Variants in CYP27A1 observed in about 807,000 individuals in gnomAD.
CYP27A1 encodes the protein sterol 26-hydroxylase, mitochondrial.
A neutral mutation model predicts 58.2 loss-of-function variants in CYP27A1; 46 were observed. The observed-to-expected ratio is 0.79, with a 90% confidence interval of 0.62 to 1.01. The LOEUF is 1.01. Among genes scored for constraint, CYP27A1 ranks in the 50% least tolerant of loss-of-function variants. CYP27A1 has a pLI of 0.00. For synonymous variants in CYP27A1, 274 were observed against 285.1 expected (o/e 0.96, Z 0.39); for missense variants, 704 against 687.0 (o/e 1.02, Z -0.28).
intron 1 of CYP27A1, among the ~76,000 whole-genome samples, chr2:218,805,542 C>G (rs1201170714): frequency 6.6e-6 from 1 of 152,114 alleles, no homozygotes; most frequent in African/African-American, 2.4e-5. Context: ...ACTGTCTGGC[C>G]CATGCACTAG....
intron 1 of CYP27A1, 135 bp from the exon 2 acceptor site, chr2:218,809,442 C>CG (rs1943686675): frequency 1.6e-5 from 6 of 370,592 alleles, no homozygotes; most frequent in South Asian, 1.2e-4. Flanking sequence ...ACACAATGCC[C>CG]TTTTTTTTTT....
chr2:218,801,389 C>T (rs1242509803), intron 1 of CYP27A1, among the ~76,000 whole-genome samples: 1 of 151,944 alleles, frequency 6.6e-6, no homozygotes, highest in African/African-American at 2.4e-5. Flanking sequence ...ACCTGTAATC[C>T]CAGCTACTCA....
At position 218,812,970 on chromosome 2, in the gene CYP27A1, G is replaced by T. The variant is rs144455258; in HGVS notation, c.891G>T (p.Leu297=). ...DEKLEDMEAQ[L]QAAGPDGIQV... ...AGCTCGAAGATATGGAGGCCCAACT[G>T]CAGGCAGCAGGGCCAGATGGCATCC... The change falls in exon 5 of 9, where the codon CTG becomes CTT. Residue 297 remains leucine (L), a synonymous_variant. Coordinates refer to ENST00000258415, the MANE Select transcript of CYP27A1 (RefSeq NM_000784.4). 87 of 1,614,212 alleles carry T rather than the reference G, an allele frequency of 5.4e-5. No homozygotes were observed. The African/African-American group carries it at 1.1e-3, about 21-fold the overall frequency.
At position 218,812,789 on chromosome 2, in the gene CYP27A1, G is replaced by A. The variant is rs377638225; in HGVS notation, c.844+40G>A. On this transcript the variant is annotated intron_variant, in intron 4 of 8. Transcript: ENST00000258415. ...ATGGGGCCCAGGGAAGAGAGATGGG[G>A]GTGACTCCAGGTCTGTGCATCAGCG... The A allele has an allele frequency of 5.0e-6, 8 of 1,609,672 alleles. No homozygotes were observed. In the African/African-American group the frequency reaches 1.1e-4, roughly 22 times the overall value.
At position 218,799,309 on chromosome 2, in the gene CYP27A1, A is replaced by G. The variant is rs564594232; in HGVS notation, c.256-10268A>G. Among the ~76,000 whole-genome samples, 4 of 152,214 alleles carry G rather than the reference A, an allele frequency of 2.6e-5. No homozygotes were observed. In the South Asian group the frequency reaches 6.2e-4, roughly 24 times the overall value. ...TATCAGACCTTGCTGTGATAAGGAA[A>G]CCCCAATTACAAACCATCCAGACGG... is the stretch of plus-strand genomic sequence containing the variant. On this transcript the variant is annotated intron_variant, in intron 1 of 8. Coordinates refer to ENST00000258415, the MANE Select transcript of CYP27A1 (RefSeq NM_000784.4).
intron 1 of CYP27A1, among the ~76,000 whole-genome samples, chr2:218,794,619 C>T (rs1034248445): frequency 2.6e-5 from 4 of 152,132 alleles, no homozygotes; most frequent in Non-Finnish European, 5.9e-5. Flanking sequence ...TGTTGGGCTT[C>T]TGGGTTCCCT....
intron 1 of CYP27A1, among the ~76,000 whole-genome samples, chr2:218,790,911 C>T (rs886112754): frequency 6.6e-6 from 1 of 152,014 alleles, no homozygotes; most frequent in African/African-American, 2.4e-5. Flanking sequence ...CTGTGTTAGC[C>T]AGGATGGTCT....
At position 218,782,497 on chromosome 2, in the gene CYP27A1, G is replaced by A. The variant is rs1019942078; in HGVS notation, c.255+60G>A. The A allele has an allele frequency of 6.2e-7, 1 of 1,606,120 alleles. No homozygotes were observed. On this transcript the variant is annotated intron_variant, in intron 1 of 8. Coordinates refer to ENST00000258415, the MANE Select transcript of CYP27A1 (RefSeq NM_000784.4). The surrounding 1 kb of genome is among the most constrained non-coding windows in gnomAD (Gnocchi z 4.1). Reference sequence around the variant, plus strand: ...AGTGGGCACCGGAACAGAGAGGCTAGAGGTGAGAAGACGTTGGACAGAAAG... The same window carrying A: ...AGTGGGCACCGGAACAGAGAGGCTAAAGGTGAGAAGACGTTGGACAGAAAG...
At position 218,814,165 on chromosome 2, in the gene CYP27A1, G is replaced by A. The variant is rs1201958431; in HGVS notation, c.1162G>A (p.Ala388Thr). The A allele has an allele frequency of 1.9e-6, 3 of 1,614,268 alleles. No homozygotes were observed. The Admixed American group carries it at 5.0e-5, about 27-fold the overall frequency. ...KDFAHMPLLK[A>T]VLKETLRLYP... ...CTTTGCCCACATGCCGTTGCTCAAA[G>A]CTGTGCTTAAGGAGACTCTGCGGTA... The change falls in exon 6 of 9, where the codon GCT becomes ACT. Residue 388 changes from alanine to threonine, a missense_variant. Coordinates refer to ENST00000258415, the MANE Select transcript of CYP27A1 (RefSeq NM_000784.4).
chr2:218,811,943 C>T (rs1943720273), intron 2 of CYP27A1, among the ~76,000 whole-genome samples: 1 of 152,170 alleles, frequency 6.6e-6, no homozygotes, highest in African/African-American at 2.4e-5. Flanking sequence ...ACCTAGGGTC[C>T]CTCTGCCAGG....
At chr2:218,804,896 A>G (rs1449033911) in intron 1 of CYP27A1, among the ~76,000 whole-genome samples, 2 of 152,234 alleles carry the variant, frequency 1.3e-5, no homozygotes, top group Non-Finnish European at 2.9e-5. Flanking sequence ...GAAGTGAGAG[A>G]TCAGGGTGCC....
intron 1 of CYP27A1, among the ~76,000 whole-genome samples, chr2:218,787,587 T>G (rs989624014): frequency 6.6e-6 from 1 of 152,194 alleles, no homozygotes; most frequent in Admixed American, 6.5e-5. Context: ...GCAACAGTGT[T>G]GACAGGTGGG....
intron 1 of CYP27A1, among the ~76,000 whole-genome samples, chr2:218,795,676 G>A (rs749529873): frequency 2.0e-5 from 3 of 152,166 alleles, no homozygotes; most frequent in African/African-American, 7.2e-5. Context: ...GGCAGGGTTA[G>A]TCTAAAATGT....
rs757653354 is a variant in CYP27A1, at chr2:218,782,244, G to A, written c.62G>A (p.Cys21Tyr). ...CTGCGAGGGGCCGGCCGTGGCCTCT[G>A]CCCCCACGGGGCCAGAGCCAAGGCC... Reference protein sequence around the residue: ...WALRGAGRGLCPHGARAKAAI... With the variant: ...WALRGAGRGLYPHGARAKAAI... The change falls in exon 1 of 9, where the codon TGC becomes TAC. Residue 21 changes from cysteine to tyrosine, a missense_variant. Physicochemically the swap from Cys to Tyr is radical, Grantham distance 194 (BLOSUM62 -2). Coordinates refer to ENST00000258415, the MANE Select transcript of CYP27A1 (RefSeq NM_000784.4). The surrounding 1 kb of genome is among the most constrained non-coding windows in gnomAD (Gnocchi z 4.1). 1.3e-6 allele frequency: 2 copies of A among 1,549,878 alleles called. No homozygotes were observed. The highest frequency in any genetic ancestry group is 3.9e-5 in the Admixed American group (2 of 51,418).
chr2:218,790,139 G>A (rs567970019), intron 1 of CYP27A1, among the ~76,000 whole-genome samples: 4 of 152,124 alleles, frequency 2.6e-5, no homozygotes, highest in Non-Finnish European at 5.9e-5. Flanking sequence ...AAGAGTATGA[G>A]CAAAACTTAG....
Position 218,809,656 on chromosome 2 carries a change from C to A in CYP27A1, c.335C>A (p.Pro112Gln). Residue 112 changes from proline (P) to glutamine (Q), a missense_variant, in exon 2 of 9, where the codon CCG becomes CAG. Physicochemically the swap from Pro to Gln is moderately conservative, Grantham distance 76. Coordinates refer to ENST00000258415, the MANE Select transcript of CYP27A1 (RefSeq NM_000784.4). Reference sequence around the variant, plus strand: ...ATGCACGTGAACCTGGCCAGTGCCCCGCTCTTGGAGCAAGTGATGCGGCAA... The same window carrying A: ...ATGCACGTGAACCTGGCCAGTGCCCAGCTCTTGGAGCAAGTGATGCGGCAA... ...PQMHVNLASAPLLEQVMRQEG... is the reference protein window; with the variant it reads ...PQMHVNLASAQLLEQVMRQEG... 6.2e-7 allele frequency: 1 copy of A among 1,614,116 alleles called. No individual in the cohort carries two copies. Among genetic ancestry groups the A allele is most frequent in the Non-Finnish European group, 8.5e-7 (1 of 1,180,016 alleles).
intron 1 of CYP27A1, among the ~76,000 whole-genome samples, chr2:218,806,726 C>T (rs2105977616): frequency 6.6e-6 from 1 of 152,260 alleles, no homozygotes; most frequent in East Asian, 1.9e-4. Flanking sequence ...GATAAAGTGA[C>T]CTTGAGCAAC....
At chr2:218,813,435 G>A (rs374689680) in intron 5 of CYP27A1, among the ~76,000 whole-genome samples, 11 of 151,578 alleles carry the variant, frequency 7.3e-5, no homozygotes, top group African/African-American at 2.4e-4. Context: ...TTTCTTTTTT[G>A]TTTTTTTTAA....
Position 218,812,342 on chromosome 2 carries a change from G to A in CYP27A1, c.567G>A (p.Leu189=). The change falls in exon 3 of 9, where the codon CTG becomes CTA. Residue 189 remains leucine (L), a synonymous_variant. Coordinates refer to ENST00000258415, the MANE Select transcript of CYP27A1 (RefSeq NM_000784.4). The part of the protein sequence containing the change: ...NEVIDDFMTR[L]DQLRAESASG... ...TGATTGATGACTTTATGACTCGACT[G>A]GACCAGCTGCGGGCAGAGAGTGCTT... 6.2e-7 allele frequency: 1 copy of A among 1,614,216 alleles called. No homozygotes were observed. The highest frequency in any genetic ancestry group is 8.5e-7 in the Non-Finnish European group (1 of 1,180,034).
Sources: allele counts gnomAD v4.1 joint callset (sites outside exome capture counted in the v4.1 genomes callset), GRCh38; gene constraint gnomAD v4.1.1; non-coding constraint Gnocchi (gnomAD v3.1); transcripts MANE v1.5; gene names NCBI Gene and HGNC (gene_info 2026-07-23, HGNC 2026-07-21).